The following ERC2 variants were observed in gnomAD, a reference collection of about 807,000 sequenced individuals.
ERC2 encodes the protein ERC protein 2.
Under a neutral mutation model 114.8 loss-of-function variants are expected in ERC2, and 42 were observed. The ratio of observed to expected loss-of-function variants is 0.37; its 90% CI spans 0.29 to 0.47. ERC2 has a LOEUF of 0.47. ERC2 is among the 20% of genes least tolerant of loss of function. The pLI, the probability that ERC2 is intolerant of heterozygous loss-of-function variation, is 0.99. For missense variants in ERC2, 939 were observed against 1,150.7 expected (o/e 0.82, Z 2.66); for synonymous variants, 454 against 425.5 (o/e 1.07, Z -0.82).
chr3:56,044,462 G>A (rs1173197583), intron 7 of ERC2, among the ~76,000 whole-genome samples: 1 of 151,806 alleles, frequency 6.6e-6, no homozygotes, highest in African/African-American at 2.4e-5. Flanking sequence ...AACCTATGGA[G>A]GGAATAAAAT....
At chr3:55,746,149 G>A (rs757695067) in intron 14 of ERC2, among the ~76,000 whole-genome samples, 1 of 152,136 alleles carries the variant, frequency 6.6e-6, no homozygotes, top group Non-Finnish European at 1.5e-5. Flanking sequence ...TCATGCCATT[G>A]CTGTGAGAAG....
chr3:55,703,329 GGGACATGCT>G (rs1371868515), intron 15 of ERC2, among the ~76,000 whole-genome samples: 1 of 152,114 alleles, frequency 6.6e-6, no homozygotes, highest in Admixed American at 6.5e-5. Flanking sequence ...TCCCAGCCTT[GGGACATGCT>G]GTTCTCTCTC....
intron 13 of ERC2, among the ~76,000 whole-genome samples, chr3:55,903,628 G>A (rs1455050989): frequency 2.0e-5 from 3 of 152,058 alleles, no homozygotes; most frequent in African/African-American, 7.2e-5. Flanking sequence ...TACATATATC[G>A]AAATGAATAC....
intron 7 of ERC2, among the ~76,000 whole-genome samples, chr3:56,043,265 A>G (rs1306279998): frequency 6.6e-6 from 1 of 152,210 alleles, no homozygotes; most frequent in Non-Finnish European, 1.5e-5. Context: ...GTACTCCCCA[A>G]ATAAAATAAA....
intron 2 of ERC2, among the ~76,000 whole-genome samples, chr3:56,432,909 A>G (rs553881908): frequency 6.6e-6 from 1 of 152,330 alleles, no homozygotes; most frequent in South Asian, 2.1e-4. Context: ...CCAATTAGAG[A>G]TGAAGCTGGG....
chr3:56,057,682 A>G (rs565753769), intron 7 of ERC2, among the ~76,000 whole-genome samples: 2 of 152,352 alleles, frequency 1.3e-5, no homozygotes, highest in South Asian at 4.1e-4. Context: ...TTTCACATGT[A>G]TTGATTAAGC....
chr3:56,274,226 T>G (rs536475200), intron 3 of ERC2, among the ~76,000 whole-genome samples: 2 of 152,330 alleles, frequency 1.3e-5, no homozygotes, highest in East Asian at 3.9e-4. Context: ...ACAAGGGATC[T>G]AGGCTGCATG....
intron 17 of ERC2, among the ~76,000 whole-genome samples, chr3:55,591,313 A>G (rs566590927): frequency 5.3e-5 from 8 of 151,638 alleles, no homozygotes; most frequent in African/African-American, 1.7e-4. Context: ...GTCACGTAAA[A>G]CCTCATGTCT....
chr3:56,352,549 G>C (rs1049787391), intron 2 of ERC2, among the ~76,000 whole-genome samples: 1 of 152,206 alleles, frequency 6.6e-6, no homozygotes, highest in African/African-American at 2.4e-5. Flanking sequence ...TGGTGTCTCT[G>C]TGTTGCACCC....
chr3:55,931,852 G>A (rs2066112838), intron 13 of ERC2, among the ~76,000 whole-genome samples: 1 of 152,132 alleles, frequency 6.6e-6, no homozygotes, highest in Non-Finnish European at 1.5e-5. Flanking sequence ...ATGAGTGTTG[G>A]CTCAAAGGTG....
intron 7 of ERC2, among the ~76,000 whole-genome samples, chr3:56,055,299 G>A (rs184278957): frequency 6.4e-4 from 98 of 152,270 alleles, no homozygotes; most frequent in African/African-American, 2.3e-3. Flanking sequence ...GCAGACTTAG[G>A]GGAGAAAAGA....
At chr3:55,671,196 G>A (rs1252635651) in intron 17 of ERC2, among the ~76,000 whole-genome samples, 1 of 152,128 alleles carries the variant, frequency 6.6e-6, no homozygotes, top group Non-Finnish European at 1.5e-5. Flanking sequence ...TTTGATAACA[G>A]AGAATACTAA....
intron 15 of ERC2, among the ~76,000 whole-genome samples, chr3:55,727,924 G>T (rs1419832324): frequency 1.3e-5 from 2 of 152,160 alleles, no homozygotes; most frequent in Non-Finnish European, 2.9e-5. Flanking sequence ...GCAAGAAAGG[G>T]CGTGGTGCCA....
At chr3:55,885,587 C>A (rs2063318608) in intron 14 of ERC2, among the ~76,000 whole-genome samples, 1 of 152,132 alleles carries the variant, frequency 6.6e-6, no homozygotes, top group Non-Finnish European at 1.5e-5. Context: ...TGTGGCAATT[C>A]ACCAAAAGAG....
intron 15 of ERC2, among the ~76,000 whole-genome samples, chr3:55,724,623 A>G (rs1328808490): frequency 6.6e-6 from 1 of 152,224 alleles, no homozygotes; most frequent in South Asian, 2.1e-4. Context: ...TCCCTAGCCC[A>G]ATGCCAAGTA....
chr3:55,865,420 A>G lies in ERC2; in HGVS notation c.2564+22969T>C, dbSNP rs190782413. 2.0e-3 allele frequency among the ~76,000 whole-genome samples: 299 copies of G among 152,274 alleles called. 2 individuals carry two copies. The highest frequency in any genetic ancestry group is 3.5e-3 in the Non-Finnish European group (238 of 68,022). On this transcript the variant is annotated intron_variant, in intron 14 of 17. Transcript: ENST00000288221. ...TGGACTATAACTCGTATGTCTTTGC[A>G]GATTTCGGAGCACTCTGCAGAGACC... is the stretch of plus-strand genomic sequence containing the variant.
At chr3:55,740,534 T>TA (rs2065912197) in intron 14 of ERC2, among the ~76,000 whole-genome samples, 1 of 152,158 alleles carries the variant, frequency 6.6e-6, no homozygotes, top group African/African-American at 2.4e-5. Flanking sequence ...CTACATTCAA[T>TA]AATTCTAGTC....
At chr3:55,883,782 G>A (rs1204285418) in intron 14 of ERC2, among the ~76,000 whole-genome samples, 1 of 152,010 alleles carries the variant, frequency 6.6e-6, no homozygotes, top group Non-Finnish European at 1.5e-5. Flanking sequence ...CAGCAGCTCG[G>A]GAGGTGGAGG....
At chr3:55,934,199 C>G (rs1231393788) in intron 13 of ERC2, among the ~76,000 whole-genome samples, 1 of 152,132 alleles carries the variant, frequency 6.6e-6, no homozygotes, top group Admixed American at 6.5e-5. Context: ...AAAAAGTATA[C>G]AAAGACATAA....
Sources: allele counts gnomAD v4.1 joint callset (sites outside exome capture counted in the v4.1 genomes callset), GRCh38; gene constraint gnomAD v4.1.1; transcripts MANE v1.5; gene names NCBI Gene and HGNC (gene_info 2026-07-23, HGNC 2026-07-21).